RYR2: variants seen among roughly 807,000 people sequenced by gnomAD.
RYR2 encodes the protein cardiac muscle ryanodine receptor-calcium release channel.
In RYR2, 227 loss-of-function variants were observed where a neutral mutation model predicts 601.1. The ratio of observed to expected loss-of-function variants is 0.38; its 90% CI spans 0.34 to 0.42. RYR2 has a LOEUF of 0.42. Ranked by LOEUF, RYR2 falls within the 10% of genes least tolerant of loss-of-function variation. The pLI, the probability that RYR2 is intolerant of heterozygous loss-of-function variation, is 1.00. For synonymous variants in RYR2, 2,223 were observed against 2,175.1 expected (o/e 1.02, Z -0.61); for missense variants, 4,646 against 6,156.5 (o/e 0.75, Z 8.21).
chr1:237,465,773 C>T (rs146449021), intron 16 of RYR2, among the ~76,000 whole-genome samples: 1 of 152,270 alleles, frequency 6.6e-6, no homozygotes, highest in East Asian at 1.9e-4. Flanking sequence ...TACATTTGTA[C>T]AGCAATATGT....
At chr1:237,509,213 C>A (rs1189905616) in intron 23 of RYR2, among the ~76,000 whole-genome samples, 1 of 152,158 alleles carries the variant, frequency 6.6e-6, no homozygotes, top group African/African-American at 2.4e-5. Flanking sequence ...GCACCCGCAC[C>A]TTTCCTGGTG....
intron 90 of RYR2, among the ~76,000 whole-genome samples, chr1:237,785,715 A>G (rs1695494352): frequency 4.3e-3 from 1 of 234 alleles, no homozygotes; most frequent in Non-Finnish European, 6.9e-3. Context: ...AAAGAAGGAT[A>G]TTTCTAAATG....
Position 237,827,392 on chromosome 1 carries a change from T to C in RYR2, c.14591-989T>C, listed in dbSNP as rs567981684. ...GCTCATGCCTGTAATCCTACCACTTTGGGAAGCTGAGGCGAGAGGATCGCT... is the reference window on the plus strand; with the variant it reads ...GCTCATGCCTGTAATCCTACCACTTCGGGAAGCTGAGGCGAGAGGATCGCT... On this transcript the variant is annotated intron_variant, in intron 101 of 104. Coordinates refer to ENST00000366574, the MANE Select transcript of RYR2 (RefSeq NM_001035.3). Among the ~76,000 whole-genome samples, 90 of 152,214 alleles carry C rather than the reference T, an allele frequency of 5.9e-4. 1 individual carries two copies. Among genetic ancestry groups the C allele is most frequent in the Non-Finnish European group, 1.1e-3 (78 of 68,004 alleles).
intron 8 of RYR2, among the ~76,000 whole-genome samples, chr1:237,382,495 T>A (rs949812474): frequency 8.6e-5 from 13 of 151,716 alleles, no homozygotes; most frequent in East Asian, 3.9e-4. Flanking sequence ...TCATTTACAT[T>A]ACGTATATCT....
At chr1:237,471,284 C>CA (rs1660697020) in intron 17 of RYR2, 1 of 152,216 alleles carries the variant, frequency 6.6e-6, no homozygotes, top group African/African-American at 2.4e-5. Flanking sequence ...TCTATGTCTG[C>CA]AGCTCGATTT....
intron 74 of RYR2, among the ~76,000 whole-genome samples, chr1:237,725,329 G>T (rs1488857356): frequency 6.6e-6 from 1 of 152,102 alleles, no homozygotes; most frequent in Admixed American, 6.6e-5. Context: ...AGATATCCTC[G>T]TGTTTAATTT....
chr1:237,803,734 T>C (rs1009665985), intron 98 of RYR2, among the ~76,000 whole-genome samples: 1 of 152,234 alleles, frequency 6.6e-6, no homozygotes, highest in African/African-American at 2.4e-5. Flanking sequence ...ATTTTTGTTC[T>C]TCTTACTACC....
At chr1:237,402,550 C>T (rs1366021758) in intron 10 of RYR2, among the ~76,000 whole-genome samples, 1 of 152,134 alleles carries the variant, frequency 6.6e-6, no homozygotes. Flanking sequence ...GATTTAATAT[C>T]AGCTTAGAAC....
At chr1:237,224,782 C>T (rs1022046667) in intron 1 of RYR2, among the ~76,000 whole-genome samples, 1 of 152,078 alleles carries the variant, frequency 6.6e-6, no homozygotes, top group African/African-American at 2.4e-5. Context: ...ATCACTTGAG[C>T]CCAGGAGTTG....
intron 1 of RYR2, among the ~76,000 whole-genome samples, chr1:237,130,442 G>A (rs1281317922): frequency 3.3e-5 from 5 of 152,124 alleles, no homozygotes; most frequent in Admixed American, 1.3e-4. Flanking sequence ...GGTTGGGCAC[G>A]GTGATTCACA....
intron 16 of RYR2, among the ~76,000 whole-genome samples, chr1:237,460,971 G>T (rs1431521908): frequency 2.0e-5 from 3 of 152,008 alleles, no homozygotes; most frequent in Admixed American, 2.0e-4. Flanking sequence ...CCAACCTCTT[G>T]CTTCATTCTT....
chr1:237,832,611 T>C lies in RYR2; in HGVS notation c.14868T>C (p.Asp4956=). 6.2e-7 allele frequency: 1 copy of C among 1,612,552 alleles called. No individual in the cohort carries two copies. The highest frequency in any genetic ancestry group is 8.5e-7 in the Non-Finnish European group (1 of 1,178,896). Residue 4956 remains aspartate (D), a synonymous_variant, in exon 105 of 105, where the codon GAT becomes GAC. Transcript: ENST00000366574. ...GTTGGGAATTTTTCCCAGCAGGGGA[T>C]TGCTTCCGGAAACAGTATGAAGACC... The part of the protein sequence containing the change: ...ERCWEFFPAG[D]CFRKQYEDQL...
chr1:237,732,290 C>T (rs189459650), intron 78 of RYR2, 141 bp downstream of exon 78: 1 of 487,864 alleles, frequency 2.0e-6, no homozygotes, highest in Non-Finnish European at 3.6e-6. Context: ...AACAACCAGC[C>T]TGGCATGTAC....
At chr1:237,322,823 T>C (rs980676018) in intron 2 of RYR2, among the ~76,000 whole-genome samples, 5 of 138,668 alleles carry the variant, frequency 3.6e-5, no homozygotes, top group Non-Finnish European at 6.2e-5. Context: ...CACACACACG[T>C]GTGTGTGTGT....
chr1:237,535,983 A>G (rs1668571833), intron 25 of RYR2, among the ~76,000 whole-genome samples: 1 of 152,172 alleles, frequency 6.6e-6, no homozygotes, highest in South Asian at 2.1e-4. Context: ...TAAAATCTCA[A>G]ATTTTTCCTT....
chr1:237,697,838 A>G (rs1573567576), intron 63 of RYR2, among the ~76,000 whole-genome samples: 2 of 152,096 alleles, frequency 1.3e-5, no homozygotes, highest in East Asian at 1.9e-4. Flanking sequence ...TGTCTTCATT[A>G]TTACCAGGAA....
At chr1:237,831,613 C>T (rs1663803552) in intron 104 of RYR2, 48 bp downstream of exon 104, 3 of 1,106,622 alleles carry the variant, frequency 2.7e-6, no homozygotes, top group East Asian at 4.7e-5. Context: ...GATAGAGAAG[C>T]TCTAAATATC....
chr1:237,338,485 A>G (rs1572650243), intron 3 of RYR2, among the ~76,000 whole-genome samples: 1 of 152,214 alleles, frequency 6.6e-6, no homozygotes, highest in East Asian at 1.9e-4. Context: ...TAACTAAAAA[A>G]ATGAGGATAT....
At chr1:237,043,644 CTG>C (rs1157303855) in intron 1 of RYR2, among the ~76,000 whole-genome samples, 1 of 152,210 alleles carries the variant, frequency 6.6e-6, no homozygotes, top group Non-Finnish European at 1.5e-5. Context: ...TTCTCCACTT[CTG>C]TCCTCCTTCC....
Sources: allele counts gnomAD v4.1 joint callset (sites outside exome capture counted in the v4.1 genomes callset), GRCh38; gene constraint gnomAD v4.1.1; transcripts MANE v1.5; gene names NCBI Gene and HGNC (gene_info 2026-07-23, HGNC 2026-07-21).